Variants in AMBRA1 observed in about 807,000 individuals in gnomAD.
AMBRA1 encodes the protein autophagy and beclin 1 regulator 1.
Under a neutral mutation model 125.4 loss-of-function variants are expected in AMBRA1, and 47 were observed. That is an observed-to-expected ratio of 0.37 (90% CI 0.30 to 0.48). The LOEUF is 0.48. AMBRA1 is among the 20% of genes least tolerant of loss of function. The pLI, the probability that AMBRA1 is intolerant of heterozygous loss-of-function variation, is 0.99. For synonymous variants in AMBRA1, 626 were observed against 655.5 expected (o/e 0.95, Z 0.69); for missense variants, 1,331 against 1,693.4 (o/e 0.79, Z 3.76).
Position 46,569,440 on chromosome 11 carries a change from AAT to A in AMBRA1, c.-120-20942_-120-20941del, listed in dbSNP as rs1243484151. On this transcript the variant is annotated intron_variant, in intron 1 of 17. Coordinates refer to ENST00000683756, the MANE Select transcript of AMBRA1 (RefSeq NM_001387011.1). ...ATCACTGAGAGATTAAAAAAAAAAA[AAT>A]ATATATATATATATATATATATAAA... is the stretch of plus-strand genomic sequence containing the variant. 2.8e-3 allele frequency among the ~76,000 whole-genome samples: 364 copies of A among 131,344 alleles called. 3 individuals carry two copies. Among genetic ancestry groups the A allele is most frequent in the African/African-American group, 8.6e-3 (292 of 34,058 alleles). 86.2% of individuals were successfully genotyped at this position (131,344 alleles called of 152,430 possible). A position where few individuals can be genotyped will look rare whatever the true frequency, so the allele number is the denominator to read the frequency against.
At chr11:46,466,915 CTTTTT>C (rs1949353060) in intron 11 of AMBRA1, among the ~76,000 whole-genome samples, 1 of 100,414 alleles carries the variant, frequency 1.0e-5, no homozygotes, top group Non-Finnish European at 1.8e-5. Context: ...TTTTTCTTTT[CTTTTT>C]TCTTTTTTTT....
At chr11:46,564,950 T>C (rs1591136580) in intron 1 of AMBRA1, among the ~76,000 whole-genome samples, 2 of 151,830 alleles carry the variant, frequency 1.3e-5, no homozygotes, top group South Asian at 4.2e-4. Flanking sequence ...GAATGTAGAG[T>C]GTGAGTACTC....
intron 12 of AMBRA1, 89 bp downstream of exon 12, chr11:46,443,399 G>T: frequency 4.9e-6 from 5 of 1,029,736 alleles, no homozygotes; most frequent in South Asian, 2.7e-5. Context: ...ATAGGATGAT[G>T]AAAAACCCAG....
At chr11:46,535,658 C>A (rs1380293795) in intron 7 of AMBRA1, among the ~76,000 whole-genome samples, 1 of 152,160 alleles carries the variant, frequency 6.6e-6, no homozygotes, top group East Asian at 1.9e-4. Flanking sequence ...ACAGCACTGA[C>A]TGGCAGAGAT....
intron 11 of AMBRA1, among the ~76,000 whole-genome samples, chr11:46,452,672 T>C (rs553911705): frequency 6.6e-6 from 1 of 152,294 alleles, no homozygotes; most frequent in Non-Finnish European, 1.5e-5. Flanking sequence ...AGTCTTAAAA[T>C]CTGTCCTAAG....
chr11:46,497,038 G>T (rs1282346814), intron 9 of AMBRA1, among the ~76,000 whole-genome samples: 3 of 152,002 alleles, frequency 2.0e-5, no homozygotes, highest in Non-Finnish European at 1.5e-5. Context: ...CTTGAACCAG[G>T]AGGCGGAGGT....
At chr11:46,575,139 A>G (rs1327355044) in intron 1 of AMBRA1, among the ~76,000 whole-genome samples, 2 of 152,174 alleles carry the variant, frequency 1.3e-5, no homozygotes, top group Non-Finnish European at 2.9e-5. Context: ...ACTCCCTCTT[A>G]GTCCTTTTGG....
chr11:46,464,954 A>G (rs1016680040), intron 11 of AMBRA1, among the ~76,000 whole-genome samples: 8 of 152,196 alleles, frequency 5.3e-5, no homozygotes, highest in African/African-American at 1.9e-4. Flanking sequence ...CTGAGGCAGG[A>G]GAATCACTTG....
intron 9 of AMBRA1, among the ~76,000 whole-genome samples, chr11:46,499,506 G>A (rs776457619): frequency 4.6e-5 from 7 of 152,170 alleles, no homozygotes; most frequent in Non-Finnish European, 1.0e-4. Context: ...AAAGTCCTCA[G>A]TAAGAGCTAG....
chr11:46,465,136 C>G (rs1949272876), intron 11 of AMBRA1, among the ~76,000 whole-genome samples: 1 of 152,178 alleles, frequency 6.6e-6, no homozygotes, highest in Admixed American at 6.5e-5. Context: ...CAACTAGTGC[C>G]CACACCTACA....
chr11:46,443,357 T>C, intron 12 of AMBRA1, 131 bp downstream of exon 12: 2 of 674,432 alleles, frequency 3.0e-6, no homozygotes, highest in East Asian at 5.4e-5. Flanking sequence ...ACAGAAGAGG[T>C]GCAGAAATGG....
At chr11:46,430,256 C>G (rs1400177733) in intron 14 of AMBRA1, among the ~76,000 whole-genome samples, 3 of 152,170 alleles carry the variant, frequency 2.0e-5, no homozygotes, top group Admixed American at 6.5e-5. Context: ...TGGTAGGAAA[C>G]AGAAGACAAA....
At chr11:46,534,351 C>T (rs1309903129) in intron 7 of AMBRA1, among the ~76,000 whole-genome samples, 2 of 151,698 alleles carry the variant, frequency 1.3e-5, no homozygotes, top group African/African-American at 4.8e-5. Flanking sequence ...AAAAGTTAGC[C>T]AGGCGTGGTG....
At chr11:46,591,414 C>T (rs1485474853) in intron 1 of AMBRA1, 1 of 152,144 alleles carries the variant, frequency 6.6e-6, no homozygotes. Context: ...TGATTAAGGG[C>T]CCTTCATTTA....
chr11:46,432,494 C>G (rs947854748), intron 14 of AMBRA1, among the ~76,000 whole-genome samples: 3 of 152,172 alleles, frequency 2.0e-5, no homozygotes, highest in Admixed American at 2.0e-4. Flanking sequence ...CACCCACTTT[C>G]TATCACTTTG....
chr11:46,558,532 C>T (rs926436091), intron 1 of AMBRA1, among the ~76,000 whole-genome samples: 12 of 118,390 alleles, frequency 1.0e-4, no homozygotes, highest in Non-Finnish European at 1.6e-4. Context: ...CTGGGCGACA[C>T]AGCCAGACTC....
chr11:46,525,548 C>T (rs1391012594), intron 7 of AMBRA1, among the ~76,000 whole-genome samples: 1 of 152,126 alleles, frequency 6.6e-6, no homozygotes, highest in Non-Finnish European at 1.5e-5. Context: ...GTCAGGAGTT[C>T]GAGACCAGCC....
At chr11:46,471,649 G>A (rs1402667068) in intron 11 of AMBRA1, among the ~76,000 whole-genome samples, 1 of 149,914 alleles carries the variant, frequency 6.7e-6, no homozygotes, top group Non-Finnish European at 1.5e-5. Context: ...TTTTTTTTTA[G>A]ATGGAGTCTT....
intron 14 of AMBRA1, among the ~76,000 whole-genome samples, chr11:46,422,693 T>C (rs1382132107): frequency 6.6e-6 from 1 of 151,848 alleles, no homozygotes; most frequent in African/African-American, 2.4e-5. Flanking sequence ...CCCTACTGCA[T>C]GCCAATAAAA....
Sources: allele counts gnomAD v4.1 joint callset (sites outside exome capture counted in the v4.1 genomes callset), GRCh38; gene constraint gnomAD v4.1.1; transcripts MANE v1.5; gene names NCBI Gene and HGNC (gene_info 2026-07-23, HGNC 2026-07-21).